MTMR2: variants seen among roughly 807,000 people sequenced by gnomAD.
MTMR2 encodes phosphatidylinositol-3,5-bisphosphate 3-phosphatase MTMR2.
A neutral mutation model predicts 86.9 loss-of-function variants in MTMR2; 55 were observed. That is an observed-to-expected ratio of 0.63 (90% CI 0.51 to 0.79). MTMR2 has a LOEUF of 0.79. MTMR2 is among the 30% of genes least tolerant of loss of function. MTMR2 has a pLI of 0.00. For missense variants in MTMR2, 659 were observed against 772.3 expected, an observed-to-expected ratio of 0.85 and a Z score of 1.74; for synonymous variants, 241 against 266.8, an observed-to-expected ratio of 0.90 and a Z score of 0.94.
At chr11:95,837,633 T>A (rs1326206537) in intron 13 of MTMR2, among the ~76,000 whole-genome samples, 4 of 152,052 alleles carry the variant, frequency 2.6e-5, no homozygotes, top group Non-Finnish European at 5.9e-5. Flanking sequence ...GTATTTGAAT[T>A]TTTTTATGGT....
At chr11:95,871,197 A>G (rs142209973) in intron 2 of MTMR2, among the ~76,000 whole-genome samples, 5,013 of 152,272 alleles carry the variant, frequency 0.033, 114 homozygotes, top group Non-Finnish European at 0.054. Flanking sequence ...CAATAAACAT[A>G]ACGTGTGCAT....
chr11:95,893,886 A>G (rs1190023150), intron 1 of MTMR2, among the ~76,000 whole-genome samples: 1 of 152,154 alleles, frequency 6.6e-6, no homozygotes, highest in Non-Finnish European at 1.5e-5. Context: ...CATCCAATAT[A>G]TCATCCCAAA....
In MTMR2 at chr11:95,924,023, G is replaced by GGCGGAGT; in HGVS notation, c.-76_-70dup. The GGCGGAGT allele has an allele frequency of 6.5e-7, 1 of 1,538,212 alleles. No individual in the cohort carries two copies. Among genetic ancestry groups the GGCGGAGT allele is most frequent in the Non-Finnish European group, 8.8e-7 (1 of 1,136,674 alleles). ...CGGCTACAGGGCGGGAGAAGCGGAGGGCGGAGTGCTACGGACCGGGGCCGC... is the reference window on the plus strand; with the variant it reads ...CGGCTACAGGGCGGGAGAAGCGGAGGGCGGAGTGCGGAGTGCTACGGACCGGGGCCGC... On this transcript the variant is annotated 5_prime_UTR_variant, in exon 1 of 15. Transcript: ENST00000346299.
At chr11:95,863,146 T>G (rs1437475263) in intron 3 of MTMR2, among the ~76,000 whole-genome samples, 2 of 152,216 alleles carry the variant, frequency 1.3e-5, no homozygotes, top group Non-Finnish European at 2.9e-5. Context: ...TATCTTAAAA[T>G]ATTCATAAAT....
chr11:95,868,573 T>C (rs1177510234), intron 2 of MTMR2, among the ~76,000 whole-genome samples: 3 of 151,844 alleles, frequency 2.0e-5, no homozygotes, highest in South Asian at 4.2e-4. Context: ...AAGAAAAGAA[T>C]TGTATTTTCT....
Position 95,923,937 on chromosome 11 carries a change from G to T in MTMR2, c.18C>A (p.Ser6Arg), listed in dbSNP as rs1212995397. 6.4e-7 allele frequency: 1 copy of T among 1,561,034 alleles called. No homozygotes were observed. The highest frequency in any genetic ancestry group is 8.7e-7 in the Non-Finnish European group (1 of 1,152,152). Residue 6 changes from serine to arginine, a missense_variant, in exon 1 of 15, where the codon AGC becomes AGA. By Grantham distance (110) the Ser-to-Arg change is moderately radical (BLOSUM62 -1). Around this residue, in one of 3 missense-constraint regions of MTMR2, gnomAD observed 79 missense variants for 54.4 expected, o/e 1.45. Coordinates refer to ENST00000346299, the MANE Select transcript of MTMR2 (RefSeq NM_016156.6). MEKSS[S>R]CESLGSQPAA... ...CCGGCTGGGAGCCAAGACTCTCGCA[G>T]CTCGAGCTCTTCTCCATCGCGCGGC... is the stretch of plus-strand genomic sequence containing the variant.
intron 1 of MTMR2, among the ~76,000 whole-genome samples, chr11:95,914,623 C>A (rs1866633547): frequency 1.3e-5 from 2 of 151,408 alleles, no homozygotes. Context: ...AAATTCTCTC[C>A]AAATACAAAC....
chr11:95,866,379 C>T (rs949985601), intron 2 of MTMR2: 1 of 152,190 alleles, frequency 6.6e-6, no homozygotes, highest in African/African-American at 2.4e-5. Context: ...AAAAGCCTTC[C>T]TCACCTCCTC....
intron 1 of MTMR2, among the ~76,000 whole-genome samples, chr11:95,905,362 CACACACA>C (rs1866229665): frequency 6.7e-6 from 1 of 149,846 alleles, no homozygotes; most frequent in Non-Finnish European, 1.5e-5. Flanking sequence ...CACACACACA[CACACACA>C]ACACAACACA....
intron 12 of MTMR2, 54 bp downstream of exon 12, chr11:95,841,563 C>G (rs1020428818): frequency 3.3e-5 from 44 of 1,338,218 alleles, no homozygotes; most frequent in Middle Eastern, 1.8e-4. Flanking sequence ...TCTCCCCACT[C>G]TGACAGGAAA....
rs1479836986 is a variant in MTMR2, at chr11:95,833,980, A to C, written c.*1310T>G. The C allele has an allele frequency of 6.6e-6, 1 of 152,382 alleles. No homozygotes were observed. The highest frequency in any genetic ancestry group is 1.9e-4 in the East Asian group (1 of 5,194). 9.4% of individuals were successfully genotyped at this position (152,382 alleles called of 1,614,324 possible). A position where few individuals can be genotyped will look rare whatever the true frequency, so the allele number is the denominator to read the frequency against. On this transcript the variant is annotated 3_prime_UTR_variant, in exon 15 of 15. Coordinates refer to ENST00000346299, the MANE Select transcript of MTMR2 (RefSeq NM_016156.6). ...TAATTGTTTGATTTGGGTGTTGGTT[A>C]AGGAAAAATGGGTACAAACTGAACA... is the stretch of plus-strand genomic sequence containing the variant.
At chr11:95,837,310 C>G (rs1169546597) in intron 13 of MTMR2, among the ~76,000 whole-genome samples, 1 of 151,996 alleles carries the variant, frequency 6.6e-6, no homozygotes, top group African/African-American at 2.4e-5. Flanking sequence ...CGAACTGTTA[C>G]AGTAAGTGAT....
At chr11:95,899,325 T>C (rs1865988902) in intron 1 of MTMR2, among the ~76,000 whole-genome samples, 1 of 152,156 alleles carries the variant, frequency 6.6e-6, no homozygotes, top group Non-Finnish European at 1.5e-5. Context: ...AAAATCAGTG[T>C]GCCAAATTAG....
intron 1 of MTMR2, among the ~76,000 whole-genome samples, chr11:95,920,709 G>A (rs927701112): frequency 6.6e-6 from 1 of 152,048 alleles, no homozygotes; most frequent in East Asian, 1.9e-4. Context: ...ACAACAGCCT[G>A]TAATCCAACT....
intron 2 of MTMR2, among the ~76,000 whole-genome samples, chr11:95,875,318 C>T (rs1865065065): frequency 6.6e-6 from 1 of 152,150 alleles, no homozygotes; most frequent in Admixed American, 6.5e-5. Flanking sequence ...TTTCTCTAAA[C>T]TTCTCTTCTC....
intron 2 of MTMR2, among the ~76,000 whole-genome samples, chr11:95,874,772 G>A (rs189889812): frequency 2.0e-4 from 30 of 152,182 alleles, no homozygotes; most frequent in African/African-American, 6.3e-4. Context: ...CTTCAGGAGC[G>A]CTTGTAGGGC....
At chr11:95,884,294 A>G (rs1260830453) in intron 2 of MTMR2, among the ~76,000 whole-genome samples, 1 of 152,258 alleles carries the variant, frequency 6.6e-6, no homozygotes, top group Middle Eastern at 3.2e-3. Flanking sequence ...CTGGTTACTT[A>G]GCAAAGCATT....
At chr11:95,845,187 T>C in intron 10 of MTMR2, 28 bp from the exon 11 acceptor site, 1 of 1,587,018 alleles carries the variant, frequency 6.3e-7, no homozygotes, top group Non-Finnish European at 8.6e-7. Flanking sequence ...TAATACATTG[T>C]TTTTAAACAA....
chr11:95,863,732 T>A lies in MTMR2; in HGVS notation c.263-1366A>T, dbSNP rs546233153. On this transcript the variant is annotated intron_variant, in intron 3 of 14. Transcript: ENST00000346299. ...CTCAGGCCAGTGCTTTTCTGTTACA[T>A]CTTCCCCTTTATTCTAAAATCATGA... Among the ~76,000 whole-genome samples the A allele has an allele frequency of 6.8e-4, 103 of 152,244 alleles. 2 individuals are homozygous for A. Among genetic ancestry groups the A allele is most frequent in the Non-Finnish European group, 1.3e-4 (9 of 68,002 alleles).
Sources: gnomAD v4.1 joint callset for allele counts (sites outside exome capture counted in the v4.1 genomes callset) on GRCh38, gnomAD v4.1.1 for gene constraint, gnomAD v4.1.1 regional missense constraint, MANE v1.5 for transcripts, NCBI Gene and HGNC (gene_info 2026-07-23, HGNC 2026-07-21) for gene names.